Variants in USH2A observed in about 807,000 individuals in gnomAD.
USH2A encodes usherin.
A neutral mutation model predicts 538.9 loss-of-function variants in USH2A; 443 were observed. That is an observed-to-expected ratio of 0.82 (90% confidence interval 0.76 to 0.89). The LOEUF (loss-of-function observed/expected upper bound fraction) is 0.89, where lower values mean the gene tolerates loss of function less well. Among genes scored for constraint, USH2A ranks in the 40% least tolerant of loss-of-function variants. The pLI is 0.00. For synonymous variants in USH2A, 2,413 were observed against 2,273.5 expected (o/e 1.06, Z -1.75); for missense variants, 6,633 against 6,324.8 (o/e 1.05, Z -1.65).
chr1:215,888,178 C>T (rs1665112959), intron 41 of USH2A, among the ~76,000 whole-genome samples: 1 of 151,952 alleles, frequency 6.6e-6, no homozygotes, highest in Non-Finnish European at 1.5e-5. Flanking sequence ...TTGTGGCATT[C>T]AAAATATTTC....
At chr1:215,873,786 T>A (rs371547283) in intron 43 of USH2A, among the ~76,000 whole-genome samples, 3 of 126,148 alleles carry the variant, frequency 2.4e-5, no homozygotes, top group African/African-American at 9.8e-5. Context: ...GAGGTCTCCA[T>A]CCAAATTGTC....
At chr1:216,284,544 T>A (rs184725297) in intron 11 of USH2A, among the ~76,000 whole-genome samples, 1 of 152,322 alleles carries the variant, frequency 6.6e-6, no homozygotes, top group African/African-American at 2.4e-5. Context: ...AGGTTTGTTC[T>A]TATAGTTGAG....
intron 60 of USH2A, among the ~76,000 whole-genome samples, chr1:215,732,579 T>G (rs1325389403): frequency 8.9e-6 from 1 of 111,926 alleles, no homozygotes; most frequent in African/African-American, 3.0e-5. Flanking sequence ...TTTTGCTCTG[T>G]TGCCCAGGCT....
chr1:215,963,388 C>G (rs1242147569), intron 37 of USH2A, among the ~76,000 whole-genome samples: 1 of 152,072 alleles, frequency 6.6e-6, no homozygotes, highest in Admixed American at 6.6e-5. Context: ...GGGCCCATCT[C>G]AGATGCTCCT....
Position 215,728,161 on chromosome 1 carries a change from G to A in USH2A, c.11935C>T (p.His3979Tyr), listed in dbSNP as rs1659883911. 6.2e-7 allele frequency: 1 copy of A among 1,614,174 alleles called. No homozygotes were observed. The highest frequency in any genetic ancestry group is 8.5e-7 in the Non-Finnish European group (1 of 1,180,028). ...TTTGTCCAATTCAACAGAACTGAAT[G>A]AGCACTCGTGGCTTGAGCCCAAGGA... ...PAPWAQATSA[H>Y]SVLLNWTKPE... is the part of the protein sequence containing the mutation. The change falls in exon 61 of 72, where the codon CAT (histidine) becomes TAT (tyrosine). Residue 3979 changes from histidine (H) to tyrosine (Y), a missense_variant. His to Tyr is a moderately conservative substitution (Grantham distance 83). Transcript: ENST00000307340.
At chr1:215,799,503 C>T (rs1361847265) in intron 49 of USH2A, among the ~76,000 whole-genome samples, 2 of 152,158 alleles carry the variant, frequency 1.3e-5, no homozygotes, top group South Asian at 2.1e-4. Context: ...TTGCTTATGA[C>T]TATAATTTCC....
intron 21 of USH2A, among the ~76,000 whole-genome samples, chr1:216,124,065 C>T (rs1244829078): frequency 6.6e-6 from 1 of 152,074 alleles, no homozygotes; most frequent in African/African-American, 2.4e-5. Flanking sequence ...AGGAGTTCTG[C>T]ATATTTTTTA....
In USH2A at chr1:216,339,331, G is replaced by A. The variant is rs376892002; in HGVS notation, c.785-11677C>T. Among the ~76,000 whole-genome samples, 205 of 151,550 alleles carry A rather than the reference G, an allele frequency of 1.4e-3. 1 individual carries two copies. Among genetic ancestry groups the A allele is most frequent in the African/African-American group, 4.7e-3 (194 of 41,458 alleles). On this transcript the variant is annotated intron_variant, in intron 4 of 71. Transcript: ENST00000307340. ...TAACAACATAAAGATAACAGCATGT[G>A]TTATATTATTTTGAGATACTTACAT...
chr1:216,268,688 A>G (rs2036520452), intron 11 of USH2A, among the ~76,000 whole-genome samples: 1 of 152,124 alleles, frequency 6.6e-6, no homozygotes, highest in Non-Finnish European at 1.5e-5. Flanking sequence ...TCAGCTATAC[A>G]GCCCCTTTTC....
intron 32 of USH2A, among the ~76,000 whole-genome samples, chr1:216,024,795 T>C (rs772829801): frequency 2.0e-5 from 3 of 152,026 alleles, no homozygotes; most frequent in Non-Finnish European, 4.4e-5. Flanking sequence ...AATTATACAC[T>C]GTTCTGGGTT....
At chr1:215,673,080 A>T (rs1002538119) in intron 63 of USH2A, among the ~76,000 whole-genome samples, 2 of 152,202 alleles carry the variant, frequency 1.3e-5, no homozygotes, top group Non-Finnish European at 2.9e-5. Flanking sequence ...GCCCTGAATC[A>T]GTGTAAGGTA....
chr1:216,357,767 T>C (rs1233212655), intron 4 of USH2A, among the ~76,000 whole-genome samples: 1 of 152,194 alleles, frequency 6.6e-6, no homozygotes, highest in African/African-American at 2.4e-5. Context: ...TTTTGATTCA[T>C]GTAGTTCTGT....
intron 4 of USH2A, among the ~76,000 whole-genome samples, chr1:216,359,938 C>T (rs975532101): frequency 5.3e-5 from 8 of 152,040 alleles, no homozygotes; most frequent in Admixed American, 4.6e-4. Flanking sequence ...GGATGTGGGG[C>T]AACAGGGACT....
At chr1:215,993,310 G>T in intron 34 of USH2A, 143 bp from the exon 35 acceptor site, 1 of 1,300,680 alleles carries the variant, frequency 7.7e-7, no homozygotes, top group Non-Finnish European at 1.1e-6. Context: ...TCATTTCAGT[G>T]TTAAGATTTA....
intron 8 of USH2A, 22 bp downstream of exon 8, chr1:216,323,452 A>G: frequency 6.2e-7 from 1 of 1,612,498 alleles, no homozygotes; most frequent in Non-Finnish European, 8.5e-7. Context: ...AACCTTGTTG[A>G]AAACAAAATT....
chr1:215,848,208 A>G (rs112475518), intron 44 of USH2A, among the ~76,000 whole-genome samples: 9 of 152,280 alleles, frequency 5.9e-5, no homozygotes, highest in African/African-American at 2.2e-4. Flanking sequence ...GTCTCACAGC[A>G]TTATTTATTA....
intron 21 of USH2A, among the ~76,000 whole-genome samples, chr1:216,173,276 A>G (rs1391220761): frequency 6.6e-6 from 1 of 152,188 alleles, no homozygotes; most frequent in African/African-American, 2.4e-5. Context: ...AAGTCAGCCA[A>G]AGGATCAAAC....
chr1:215,661,258 A>G (rs1156400636), intron 64 of USH2A, among the ~76,000 whole-genome samples: 2 of 152,176 alleles, frequency 1.3e-5, no homozygotes, highest in Admixed American at 1.3e-4. Flanking sequence ...TGACTTCATC[A>G]GACTGCCTCA....
At chr1:215,639,111 G>T in intron 69 of USH2A, 44 bp downstream of exon 69, 1 of 1,568,172 alleles carries the variant, frequency 6.4e-7, no homozygotes, top group Non-Finnish European at 8.8e-7. Context: ...GTTTCTTGAG[G>T]AAGATGAATA....
Sources: gnomAD v4.1 joint callset for allele counts (sites outside exome capture counted in the v4.1 genomes callset) on GRCh38, gnomAD v4.1.1 for gene constraint, MANE v1.5 for transcripts, NCBI Gene and HGNC (gene_info 2026-07-23, HGNC 2026-07-21) for gene names.